Variants in COL4A2 observed in about 807,000 individuals in gnomAD.
COL4A2 encodes collagen type IV alpha 2 chain, also known as collagen alpha-2(IV) chain.
In COL4A2, 99 loss-of-function variants were observed where a neutral mutation model predicts 200.2. That is an observed-to-expected ratio of 0.49 (90% confidence interval 0.42 to 0.58). COL4A2 has a LOEUF of 0.58. Among genes scored for constraint, COL4A2 ranks in the 20% least tolerant of loss-of-function variants. The pLI is 0.00. For synonymous variants in COL4A2, 897 were observed against 900.6 expected (o/e 1.00, Z 0.07); for missense variants, 1,950 against 2,314.1 (o/e 0.84, Z 3.23).
chr13:110,473,300 T>G, intron 29 of COL4A2, 150 bp downstream of exon 29: 1 of 669,560 alleles, frequency 1.5e-6, no homozygotes, highest in South Asian at 2.0e-5. Flanking sequence ...CTTCCAGCAC[T>G]CCTTTAGAAT....
At chr13:110,473,255 C>T (rs1308505608) in intron 29 of COL4A2, 105 bp downstream of exon 29, 1 of 1,081,308 alleles carries the variant, frequency 9.2e-7, no homozygotes, top group Non-Finnish European at 1.3e-6. Context: ...CAGCGGTGCC[C>T]TATAGTGCTA....
At chr13:110,510,708 C>T (rs935486956) in intron 47 of COL4A2, among the ~76,000 whole-genome samples, 11 of 152,136 alleles carry the variant, frequency 7.2e-5, no homozygotes, top group African/African-American at 9.7e-5. Context: ...TGTGTGTGTG[C>T]GCAGCAAACT....
rs150362750 is a variant in COL4A2, at chr13:110,370,546, T to G, written c.180+12994T>G. On this transcript the variant is annotated intron_variant, in intron 4 of 47. Transcript: ENST00000360467. ...CTGGGATTACAGGTGTGAGCCACCG[T>G]GCACAGCTTTGTATTTTGTTGTTGT... Among the ~76,000 whole-genome samples, 613 of 152,348 alleles carry G rather than the reference T, an allele frequency of 4.0e-3. 2 individuals are homozygous for G. The highest frequency in any genetic ancestry group is 6.3e-3 in the Non-Finnish European group (431 of 68,038).
chr13:110,354,408 AG>A (rs1351687720), intron 3 of COL4A2, among the ~76,000 whole-genome samples: 2 of 152,224 alleles, frequency 1.3e-5, no homozygotes, highest in African/African-American at 4.8e-5. Flanking sequence ...GGGATTTATG[AG>A]CCCCATTGCA....
Position 110,450,439 on chromosome 13 carries a change from C to A in COL4A2, c.1324C>A (p.Pro442Thr). Residue 442 changes from proline (P) to threonine (T), a missense_variant, in exon 20 of 48, where the codon CCA becomes ACA. Around this residue, in one of 2 missense-constraint regions of COL4A2, gnomAD observed 565 missense variants for 593.5 expected, o/e 0.95. Coordinates refer to ENST00000360467, the MANE Select transcript of COL4A2 (RefSeq NM_001846.4). ...TCCAGGACCCCCCGGGCTCCCTGGA[C>A]CACCTGGACCTGATGGTGAGTGGAG... is the stretch of plus-strand genomic sequence containing the variant. ...GPPGPPGLPG[P>T]PGPDGFLFGL... 1 of 1,613,886 alleles carries A rather than the reference C, an allele frequency of 6.2e-7. No individual in the cohort carries two copies.
intron 4 of COL4A2, among the ~76,000 whole-genome samples, chr13:110,368,765 A>C (rs1877865285): frequency 6.6e-6 from 1 of 151,212 alleles, no homozygotes; most frequent in South Asian, 2.1e-4. Flanking sequence ...AATCTCTACA[A>C]ATGGTAGAAT....
intron 4 of COL4A2, among the ~76,000 whole-genome samples, chr13:110,396,132 T>C (rs753104016): frequency 4.6e-5 from 7 of 152,218 alleles, no homozygotes; most frequent in Non-Finnish European, 1.0e-4. Flanking sequence ...ATTCAGAGTG[T>C]ACCCATATCC....
chr13:110,508,246 C>T lies in COL4A2; in HGVS notation c.4881+25C>T. ...GGTATGTGGTATTTGCCCAGTTCCC[C>T]TCCCCAACCACACCCTGCTGGGGAC... On this transcript the variant is annotated intron_variant, in intron 47 of 47. Transcript: ENST00000360467. This position sits in a 1 kb window ranked among gnomAD's most constrained non-coding sequence, Gnocchi z 6.1. 1 of 1,607,892 alleles carries T rather than the reference C, an allele frequency of 6.2e-7. No individual in the cohort carries two copies. The highest frequency in any genetic ancestry group is 1.1e-5 in the South Asian group (1 of 90,588).
At position 110,417,874 on chromosome 13, in the gene COL4A2, T is replaced by C. The variant is rs1465094938; in HGVS notation, c.181-6860T>C. Among the ~76,000 whole-genome samples, 3 of 152,116 alleles carry C rather than the reference T, an allele frequency of 2.0e-5. No individual in the cohort carries two copies. In the East Asian group the frequency reaches 5.8e-4, roughly 29 times the overall value. On this transcript the variant is annotated intron_variant, in intron 4 of 47. Coordinates refer to ENST00000360467, the MANE Select transcript of COL4A2 (RefSeq NM_001846.4). ...ACCAGGATGAACATTCTCATACAGG[T>C]CTCGGTGTGGATATAGGCCTTCGTT...
chr13:110,439,765 G>A (rs754979103), intron 15 of COL4A2, 24 bp from the exon 16 acceptor site: 2 of 1,613,780 alleles, frequency 1.2e-6, no homozygotes, highest in East Asian at 2.2e-5. Flanking sequence ...TGAGCTGTTT[G>A]CTTCTGTTTT....
chr13:110,418,827 TTTACA>T (rs1477391175), intron 4 of COL4A2, among the ~76,000 whole-genome samples: 4 of 152,218 alleles, frequency 2.6e-5, no homozygotes, highest in Admixed American at 2.6e-4. Flanking sequence ...AATACTAGCC[TTTACA>T]TTATTGTTAC....
intron 29 of COL4A2, among the ~76,000 whole-genome samples, chr13:110,477,536 A>G (rs1470586607): frequency 2.0e-5 from 3 of 152,252 alleles, no homozygotes; most frequent in Non-Finnish European, 4.4e-5. Context: ...CAAAAAAAGA[A>G]AACTCCCCAA....
At chr13:110,465,659 T>C in intron 25 of COL4A2, 53 bp downstream of exon 25, 2 of 1,466,804 alleles carry the variant, frequency 1.4e-6, no homozygotes, top group Non-Finnish European at 1.9e-6. Flanking sequence ...ATTCCACGCT[T>C]TCCTTTGTCA....
At chr13:110,472,871 C>T (rs940888686) in intron 28 of COL4A2, 58 bp from the exon 29 acceptor site, 8 of 1,504,190 alleles carry the variant, frequency 5.3e-6, no homozygotes, top group South Asian at 1.2e-5. Context: ...TTTGACTCTT[C>T]TCTTAGAACG....
intron 22 of COL4A2, among the ~76,000 whole-genome samples, chr13:110,461,855 T>C (rs1351546027): frequency 1.3e-5 from 2 of 152,154 alleles, no homozygotes; most frequent in African/African-American, 4.8e-5. Context: ...TATTTAAAAT[T>C]AAAGAAAAGG....
At chr13:110,440,323 G>A (rs900758424) in intron 16 of COL4A2, among the ~76,000 whole-genome samples, 21 of 152,156 alleles carry the variant, frequency 1.4e-4, no homozygotes, top group African/African-American at 4.8e-4. Context: ...TGGGCCAGGT[G>A]CAGTGGCTCA....
At chr13:110,387,178 G>A (rs1878788464) in intron 4 of COL4A2, among the ~76,000 whole-genome samples, 1 of 152,148 alleles carries the variant, frequency 6.6e-6, no homozygotes, top group African/African-American at 2.4e-5. Context: ...GGTGGAGGTT[G>A]CAGTGAGCCG....
At chr13:110,392,497 G>A (rs972968334) in intron 4 of COL4A2, among the ~76,000 whole-genome samples, 2 of 152,210 alleles carry the variant, frequency 1.3e-5, no homozygotes, top group African/African-American at 2.4e-5. Flanking sequence ...CTGTGAGTCC[G>A]CGGGGCTCTT....
At chr13:110,416,497 C>G (rs1034621272) in intron 4 of COL4A2, among the ~76,000 whole-genome samples, 3 of 152,224 alleles carry the variant, frequency 2.0e-5, no homozygotes, top group African/African-American at 4.8e-5. Context: ...CCCAGAAAAT[C>G]AACTTTTCCA....
Sources: gnomAD v4.1 joint callset for allele counts (sites outside exome capture counted in the v4.1 genomes callset) on GRCh38, gnomAD v4.1.1 for gene constraint, gnomAD v4.1.1 regional missense constraint, Gnocchi (gnomAD v3.1) non-coding constraint, MANE v1.5 for transcripts, NCBI Gene and HGNC (gene_info 2026-07-23, HGNC 2026-07-21) for gene names.